KLF3: variants seen among roughly 807,000 people sequenced by gnomAD.
KLF3 encodes Krueppel-like factor 3.
KLF3 carries 6 observed loss-of-function variants against 32.7 expected under a neutral mutation model. That is an observed-to-expected ratio of 0.18 (90% CI 0.10 to 0.36). KLF3 has a LOEUF of 0.36. Among genes scored for constraint, KLF3 ranks in the 10% least tolerant of loss-of-function variants. The pLI is 1.00. For missense variants in KLF3, 338 were observed against 449.7 expected, an observed-to-expected ratio of 0.75 and a Z score of 2.25; for synonymous variants, 145 against 172.8, an observed-to-expected ratio of 0.84 and a Z score of 1.26.
In KLF3 at chr4:38,674,413, A is replaced by G. The variant is rs1305590899; in HGVS notation, c.-39-6174A>G. Reference sequence around the variant, plus strand: ...CCCAGTTTTCCTAGCCAAGAATTACACACACACATGCACACACCGCCTTTT... The same window carrying G: ...CCCAGTTTTCCTAGCCAAGAATTACGCACACACATGCACACACCGCCTTTT... On this transcript the variant is annotated intron_variant, in intron 1 of 5. Coordinates refer to ENST00000261438, the MANE Select transcript of KLF3 (RefSeq NM_016531.6). This position sits in a 1 kb window ranked among gnomAD's most constrained non-coding sequence, Gnocchi z 4.1. Among the ~76,000 whole-genome samples the G allele has an allele frequency of 2.0e-5, 3 of 150,658 alleles. No individual in the cohort carries two copies. The highest frequency in any genetic ancestry group is 4.9e-5 in the African/African-American group (2 of 41,074).
chr4:38,696,419 A>G (rs1209281776), intron 5 of KLF3, among the ~76,000 whole-genome samples: 3 of 152,146 alleles, frequency 2.0e-5, no homozygotes, highest in Admixed American at 6.6e-5. Context: ...GTCTCCCTTC[A>G]TCCTGGTTCT....
At chr4:38,669,115 AAAAT>A (rs1380716488) in intron 1 of KLF3, among the ~76,000 whole-genome samples, 1 of 151,246 alleles carries the variant, frequency 6.6e-6, no homozygotes, top group Non-Finnish European at 1.5e-5. Flanking sequence ...GAGTTTAAGA[AAAAT>A]AAAATACACA....
At position 38,667,734 on chromosome 4, in the gene KLF3, A is replaced by G. The variant is rs1251008449; in HGVS notation, c.-40+3273A>G. On this transcript the variant is annotated intron_variant, in intron 1 of 5. Transcript: ENST00000261438. ...GGATTAACACCTTACAGTTTAGAAG[A>G]CCTAGCATTATCTGAAAGATGTGGC... Among the ~76,000 whole-genome samples the G allele has an allele frequency of 2.0e-5, 3 of 152,252 alleles. No homozygotes were observed. In the East Asian group the frequency reaches 5.8e-4, roughly 29 times the overall value.
chr4:38,672,455 C>G (rs566607321), intron 1 of KLF3, among the ~76,000 whole-genome samples: 53 of 152,264 alleles, frequency 3.5e-4, no homozygotes, highest in Middle Eastern at 6.8e-3. Flanking sequence ...GAGCAATCAG[C>G]TGGCTGCACA....
chr4:38,693,869 T>C (rs1722961931), intron 4 of KLF3, among the ~76,000 whole-genome samples: 1 of 152,208 alleles, frequency 6.6e-6, no homozygotes, highest in African/African-American at 2.4e-5. Context: ...CACCACCTTC[T>C]TGCTGAAAAA....
At chr4:38,666,729 A>T (rs1198845983) in intron 1 of KLF3, among the ~76,000 whole-genome samples, 1 of 152,260 alleles carries the variant, frequency 6.6e-6, no homozygotes, top group African/African-American at 2.4e-5. Context: ...TTTGAAAAAG[A>T]CAGTGAAAAT....
At chr4:38,670,602 C>T (rs188188175) in intron 1 of KLF3, among the ~76,000 whole-genome samples, 1 of 152,226 alleles carries the variant, frequency 6.6e-6, no homozygotes, top group East Asian at 1.9e-4. Flanking sequence ...GCTTCACACT[C>T]CAAAGCCTCT....
chr4:38,675,852 A>T (rs960044058), intron 1 of KLF3, among the ~76,000 whole-genome samples: 7 of 152,200 alleles, frequency 4.6e-5, no homozygotes, highest in Admixed American at 3.9e-4. Flanking sequence ...AAGACTGCCA[A>T]GTTTAGGGAC....
chr4:38,677,213 G>A (rs958999862), intron 1 of KLF3, among the ~76,000 whole-genome samples: 6 of 151,860 alleles, frequency 4.0e-5, no homozygotes, highest in African/African-American at 1.2e-4. Context: ...CACCCGCCTC[G>A]GCCTCCCAAA....
chr4:38,679,523 T>C (rs1408657670), intron 1 of KLF3, among the ~76,000 whole-genome samples: 7 of 152,164 alleles, frequency 4.6e-5, no homozygotes, highest in Non-Finnish European at 1.0e-4. Flanking sequence ...ACCCAGGAAT[T>C]CCCCTACAGA....
rs185170713 is a variant in KLF3, at chr4:38,665,102, A to G, written c.-40+641A>G. Among the ~76,000 whole-genome samples the G allele has an allele frequency of 8.5e-3, 1,284 of 150,394 alleles. 16 individuals are homozygous for G. Among genetic ancestry groups the G allele is most frequent in the Admixed American group, 0.034 (510 of 15,124 alleles). On this transcript the variant is annotated intron_variant, in intron 1 of 5. Coordinates refer to ENST00000261438, the MANE Select transcript of KLF3 (RefSeq NM_016531.6). The stretch of plus-strand genomic sequence containing the variant: ...TGGAAAGAAACTTAGGGCAATTGGG[A>G]TTGGAGGCAGCATCCCATTCTCGGT...
intron 1 of KLF3, among the ~76,000 whole-genome samples, chr4:38,669,495 C>A (rs1474069768): frequency 6.6e-6 from 1 of 151,956 alleles, no homozygotes; most frequent in Non-Finnish European, 1.5e-5. Flanking sequence ...GCTTTTACCC[C>A]CAACTCAGCT....
chr4:38,675,545 GA>G (rs889804710), intron 1 of KLF3, among the ~76,000 whole-genome samples: 2 of 152,054 alleles, frequency 1.3e-5, no homozygotes, highest in Admixed American at 6.5e-5. Context: ...ATAGTCGTCA[GA>G]AAAAAATAGA....
intron 2 of KLF3, chr4:38,681,120 C>T (rs181333557): frequency 2.4e-4 from 41 of 170,864 alleles, no homozygotes; most frequent in African/African-American, 7.8e-4. Flanking sequence ...CTTTTCTCAA[C>T]GCCACCAGGT....
At chr4:38,695,276 C>T (rs376871447) in intron 5 of KLF3, among the ~76,000 whole-genome samples, 81 of 152,246 alleles carry the variant, frequency 5.3e-4, no homozygotes, top group African/African-American at 1.6e-3. Context: ...TTCATGAGAG[C>T]GAACAGTCTT....
At chr4:38,683,174 C>A (rs958962634) in intron 2 of KLF3, among the ~76,000 whole-genome samples, 12 of 152,094 alleles carry the variant, frequency 7.9e-5, no homozygotes, top group African/African-American at 2.9e-4. Flanking sequence ...AAAAGTCTTT[C>A]GCTATTCAAG....
rs1401840045 is a variant in KLF3, at chr4:38,698,383, T to G, written c.*1120T>G. 1 of 152,680 alleles carries G rather than the reference T, an allele frequency of 6.5e-6. No individual in the cohort carries two copies. The highest frequency in any genetic ancestry group is 1.5e-5 in the Non-Finnish European group (1 of 68,044). 9.5% of individuals were successfully genotyped at this position (152,680 alleles called of 1,614,324 possible). ...AGCTTTTATACAGAAACTCTTCCTG[T>G]GTGAGCTGTTAAGGTGCCAAATTGG... On this transcript the variant is annotated 3_prime_UTR_variant, in exon 6 of 6. Coordinates refer to ENST00000261438, the MANE Select transcript of KLF3 (RefSeq NM_016531.6).
chr4:38,666,606 A>G (rs796951369), intron 1 of KLF3, among the ~76,000 whole-genome samples: 2 of 152,378 alleles, frequency 1.3e-5, no homozygotes, highest in African/African-American at 2.4e-5. Context: ...AGATTGCATA[A>G]TAATTTTTAG....
intron 4 of KLF3, among the ~76,000 whole-genome samples, chr4:38,690,945 T>C (rs1222074736): frequency 6.6e-6 from 1 of 151,612 alleles, no homozygotes; most frequent in Non-Finnish European, 1.5e-5. Flanking sequence ...CACCCAATCA[T>C]AGTCATTTTT....
Sources: gnomAD v4.1 joint callset for allele counts (sites outside exome capture counted in the v4.1 genomes callset) on GRCh38, gnomAD v4.1.1 for gene constraint, Gnocchi (gnomAD v3.1) non-coding constraint, MANE v1.5 for transcripts, NCBI Gene and HGNC (gene_info 2026-07-23, HGNC 2026-07-21) for gene names.